NCOR1: variants seen among roughly 807,000 people sequenced by gnomAD.
The protein encoded by NCOR1 is protein phosphatase 1, regulatory subunit 109.
Under a neutral mutation model 288.1 loss-of-function variants are expected in NCOR1, and 63 were observed. The ratio of observed to expected loss-of-function variants is 0.22; its 90% CI spans 0.18 to 0.27. NCOR1 has a LOEUF of 0.27. NCOR1 is among the 10% of genes least tolerant of loss of function. NCOR1 has a pLI of 1.00. For missense variants in NCOR1, 2,397 were observed against 3,019.2 expected (o/e 0.79, Z 4.83); for synonymous variants, 1,007 against 1,065.9 (o/e 0.94, Z 1.08).
chr17:16,184,163 C>T (rs1265157990), intron 3 of NCOR1, among the ~76,000 whole-genome samples: 1 of 152,080 alleles, frequency 6.6e-6, no homozygotes, highest in Admixed American at 6.6e-5. Flanking sequence ...TCTGGGACAC[C>T]GACCTTGGCA....
chr17:16,123,917 A>G (rs2073503048), intron 15 of NCOR1, among the ~76,000 whole-genome samples: 1 of 152,206 alleles, frequency 6.6e-6, no homozygotes, highest in African/African-American at 2.4e-5. Context: ...GTATTTTCAC[A>G]TTCTCCCTAA....
chr17:16,122,355 C>T (rs1416764049), intron 15 of NCOR1, among the ~76,000 whole-genome samples: 1 of 152,108 alleles, frequency 6.6e-6, no homozygotes, highest in Admixed American at 6.6e-5. Context: ...AATTGAAGTA[C>T]AACATAGTCC....
intron 15 of NCOR1, among the ~76,000 whole-genome samples, chr17:16,122,992 A>C (rs2073302482): frequency 6.6e-6 from 1 of 152,080 alleles, no homozygotes; most frequent in Admixed American, 6.5e-5. Context: ...ATGTAAGGTT[A>C]CCCATTCTCA....
rs566247546 is a variant in NCOR1, at chr17:16,148,117, C to G, written c.909+1334G>C. Among the ~76,000 whole-genome samples the G allele has an allele frequency of 2.0e-5, 3 of 152,116 alleles. No individual in the cohort carries two copies. In the South Asian group the frequency reaches 6.2e-4, roughly 32 times the overall value. ...CAGGCGTGAGCCATTGCACCTGCCC[C>G]GCTAAATGCAAACTCTTAAAATGCA... On this transcript the variant is annotated intron_variant, in intron 9 of 45. Coordinates refer to ENST00000268712, the MANE Select transcript of NCOR1 (RefSeq NM_006311.4).
Position 16,075,756 on chromosome 17 carries a change from C to T in NCOR1, c.3502-54G>A, listed in dbSNP as rs528873855. ...AGGAGTCACTCGAGTTTAGGGAAAA[C>T]ACAAGATGCTCAGAAAATTTAACCT... is the stretch of plus-strand genomic sequence containing the variant. On this transcript the variant is annotated intron_variant, in intron 26 of 45. Transcript: ENST00000268712. 21 of 1,590,438 alleles carry T rather than the reference C, an allele frequency of 1.3e-5. No homozygotes were observed. In the African/African-American group the frequency reaches 2.4e-4, roughly 18 times the overall value.
chr17:16,100,739 C>T (rs1161981338), intron 20 of NCOR1, among the ~76,000 whole-genome samples: 1 of 152,232 alleles, frequency 6.6e-6, no homozygotes, highest in Non-Finnish European at 1.5e-5. Context: ...AAAAAGTGGT[C>T]ATAATTATCA....
intron 26 of NCOR1, among the ~76,000 whole-genome samples, chr17:16,077,175 T>G (rs1330829645): frequency 6.6e-6 from 1 of 151,954 alleles, no homozygotes; most frequent in African/African-American, 2.4e-5. Context: ...GACGGGCGGA[T>G]CACCTGAAGC....
intron 18 of NCOR1, among the ~76,000 whole-genome samples, chr17:16,112,709 T>C (rs1271560791): frequency 2.0e-5 from 3 of 152,166 alleles, no homozygotes; most frequent in African/African-American, 7.2e-5. Context: ...CAGGATGGTC[T>C]TGATCTCTTG....
At chr17:16,106,590 G>C (rs1437794064) in intron 19 of NCOR1, among the ~76,000 whole-genome samples, 1 of 151,964 alleles carries the variant, frequency 6.6e-6, no homozygotes, top group African/African-American at 2.4e-5. Flanking sequence ...CCTCCCTTCA[G>C]CAGCTGCCTT....
chr17:16,030,490 C>T lies in NCOR1; in HGVS notation c.*1806G>A, dbSNP rs1971820297. The T allele has an allele frequency of 1.0e-5, 2 of 200,694 alleles. No individual in the cohort carries two copies. The highest frequency in any genetic ancestry group is 2.0e-5 in the Non-Finnish European group (2 of 97,818). 12.4% of individuals were successfully genotyped at this position (200,694 alleles called of 1,614,324 possible). A position where few individuals can be genotyped will look rare whatever the true frequency, so the allele number is the denominator to read the frequency against. Reference sequence around the variant, plus strand: ...AACAAACTCTAAAATATTACCAGTACCTGAAAAAAAAAAATTCAGCAGAAA... The same window carrying T: ...AACAAACTCTAAAATATTACCAGTATCTGAAAAAAAAAAATTCAGCAGAAA... On this transcript the variant is annotated 3_prime_UTR_variant, in exon 46 of 46. Transcript: ENST00000268712.
At chr17:16,176,806 T>C (rs1051902024) in intron 3 of NCOR1, among the ~76,000 whole-genome samples, 3 of 152,066 alleles carry the variant, frequency 2.0e-5, no homozygotes, top group Non-Finnish European at 4.4e-5. Context: ...CTAGTTCTTT[T>C]ACTTATCCTT....
intron 4 of NCOR1, among the ~76,000 whole-genome samples, chr17:16,166,034 A>G (rs562702577): frequency 1.3e-5 from 2 of 152,246 alleles, no homozygotes; most frequent in Non-Finnish European, 2.9e-5. Context: ...TCAAGAATGC[A>G]TACAAGAGAT....
At chr17:16,045,125 G>A (rs1319994635) in intron 42 of NCOR1, 2 of 238,070 alleles carry the variant, frequency 8.4e-6, no homozygotes, top group Non-Finnish European at 1.6e-5. Flanking sequence ...AACACGAGGA[G>A]GTTCTGATTA....
chr17:16,181,207 A>ATGTGTGTGTGTGTGTGTG lies in NCOR1; in HGVS notation c.242+5346_242+5347insCACACACACACACACACA, dbSNP rs1422388328. Reference sequence around the variant, plus strand: ...GTGATGTGTGTGTGTATACATATATATGTATGTGTGTGTGTGTGTGTGTGT... The same window carrying ATGTGTGTGTGTGTGTGTG: ...GTGATGTGTGTGTGTATACATATATATGTGTGTGTGTGTGTGTGTGTATGTGTGTGTGTGTGTGTGTGT... On this transcript the variant is annotated intron_variant, in intron 3 of 45. Transcript: ENST00000268712. Among the ~76,000 whole-genome samples, 7 of 85,808 alleles carry ATGTGTGTGTGTGTGTGTG rather than the reference A, an allele frequency of 8.2e-5. No individual in the cohort carries two copies. The East Asian group carries it at 1.7e-3, about 20-fold the overall frequency. 56.3% of individuals were successfully genotyped at this position (85,808 alleles called of 152,430 possible).
At chr17:16,172,481 A>C (rs1198514947) in intron 3 of NCOR1, among the ~76,000 whole-genome samples, 1 of 152,268 alleles carries the variant, frequency 6.6e-6, no homozygotes, top group Non-Finnish European at 1.5e-5. Flanking sequence ...TAAATGTTAA[A>C]ATGCCATAAT....
Position 16,215,469 on chromosome 17 carries a change from A to T in NCOR1, c.-178T>A, listed in dbSNP as rs963391957. On this transcript the variant is annotated 5_prime_UTR_variant, in exon 1 of 46. Transcript: ENST00000268712. Reference sequence around the variant, plus strand: ...GACCTCGTTCGGCGCGGCGAGTCGGACGCTCACTCCAGCCGCCGCCGCCGC... The same window carrying T: ...GACCTCGTTCGGCGCGGCGAGTCGGTCGCTCACTCCAGCCGCCGCCGCCGC... 40 of 397,894 alleles carry T rather than the reference A, an allele frequency of 1.0e-4. No homozygotes were observed. Among genetic ancestry groups the T allele is most frequent in the East Asian group, 4.3e-4 (12 of 27,990 alleles). The allele number at this position is 397,894 out of a possible 1,614,324, so 24.6% of individuals were successfully genotyped here.
At chr17:16,132,326 C>G (rs1478412936) in intron 14 of NCOR1, among the ~76,000 whole-genome samples, 1 of 152,130 alleles carries the variant, frequency 6.6e-6, no homozygotes, top group African/African-American at 2.4e-5. Flanking sequence ...GACAGACTTA[C>G]CAGATGGCAG....
chr17:16,203,746 T>C (rs1186890027), intron 1 of NCOR1, among the ~76,000 whole-genome samples: 1 of 152,120 alleles, frequency 6.6e-6, no homozygotes, highest in Non-Finnish European at 1.5e-5. Context: ...TTAAAAGAAA[T>C]AAGAAATATA....
intron 5 of NCOR1, among the ~76,000 whole-genome samples, chr17:16,160,707 G>A (rs1233704844): frequency 2.0e-5 from 3 of 152,122 alleles, no homozygotes; most frequent in Admixed American, 6.5e-5. Flanking sequence ...CAGAAGAATC[G>A]CTTGAACCCA....
Sources: gnomAD v4.1 joint callset for allele counts (sites outside exome capture counted in the v4.1 genomes callset) on GRCh38, gnomAD v4.1.1 for gene constraint, MANE v1.5 for transcripts, NCBI Gene and HGNC (gene_info 2026-07-23, HGNC 2026-07-21) for gene names.